Variants in PCDHGB2 observed in about 807,000 individuals in gnomAD.
The protein encoded by PCDHGB2 is protocadherin gamma-B2.
In PCDHGB2, 55 loss-of-function variants were observed where a neutral mutation model predicts 59.3. The observed-to-expected ratio is 0.93, with a 90% CI of 0.75 to 1.16. PCDHGB2 has a LOEUF of 1.16. PCDHGB2 is among the 50% of genes most tolerant of loss of function. The pLI, the probability that PCDHGB2 is intolerant of heterozygous loss-of-function variation, is 0.00. For missense variants in PCDHGB2, 1,228 were observed against 1,198.5 expected (o/e 1.02, Z -0.36); for synonymous variants, 516 against 512.0 (o/e 1.01, Z -0.11).
intron 1 of PCDHGB2, chr5:141,403,746 C>G (rs773668506): frequency 1.2e-6 from 2 of 1,613,904 alleles, no homozygotes; most frequent in Non-Finnish European, 8.5e-7. Flanking sequence ...CTTACTGCAA[C>G]AGCCAGCGAC....
intron 3 of PCDHGB2, among the ~76,000 whole-genome samples, chr5:141,509,880 T>C (rs1475661741): frequency 6.6e-6 from 1 of 152,184 alleles, no homozygotes; most frequent in African/African-American, 2.4e-5. Flanking sequence ...CTGGTGGTGA[T>C]GGTGACTGAC....
chr5:141,393,683 G>T lies in PCDHGB2; in HGVS notation c.2421+31127G>T, dbSNP rs370409157. ...GGAAAATTAATGAAAAACAAACTCC[G>T]TTATTCCAGCTTAATGAAAATACTG... On this transcript the variant is annotated intron_variant, in intron 1 of 3. Transcript: ENST00000522605. The T allele has an allele frequency of 2.1e-5, 34 of 1,613,732 alleles. 1 individual carries two copies. The South Asian group carries it at 3.7e-4, about 18-fold the overall frequency.
At chr5:141,368,055 A>G (rs531662241) in intron 1 of PCDHGB2, among the ~76,000 whole-genome samples, 10 of 152,346 alleles carry the variant, frequency 6.6e-5, no homozygotes, top group Non-Finnish European at 1.0e-4. Flanking sequence ...TAATGAAAGA[A>G]CTACTATATT....
Position 141,365,897 on chromosome 5 carries a change from G to A in PCDHGB2, c.2421+3341G>A, listed in dbSNP as rs1278621705. The A allele has an allele frequency of 3.1e-6, 5 of 1,614,214 alleles. No individual in the cohort carries two copies. Among genetic ancestry groups the A allele is most frequent in the Admixed American group, 3.3e-5 (2 of 60,030 alleles). On this transcript the variant is annotated intron_variant, in intron 1 of 3. Transcript: ENST00000522605. ...GTATGCTCTGAGATCCTTCGACTAT[G>A]AGCAGTTGAGAGACCTACAGTTGTG...
Position 141,486,786 on chromosome 5 carries a change from G to A in PCDHGB2, c.2422-8021G>A, listed in dbSNP as rs1360545946. The A allele has an allele frequency of 1.9e-6, 3 of 1,614,090 alleles. No individual in the cohort carries two copies. The highest frequency in any genetic ancestry group is 2.2e-5 in the East Asian group (1 of 44,892). ...ACACTGCAGTTTGAGGTGCAGGCCC[G>A]GGATCGGGGCAACCCACCCCTTAGC... is the stretch of plus-strand genomic sequence containing the variant. On this transcript the variant is annotated intron_variant, in intron 1 of 3. Coordinates refer to ENST00000522605, the MANE Select transcript of PCDHGB2 (RefSeq NM_018923.3). This position sits in a 1 kb window ranked among gnomAD's most constrained non-coding sequence, Gnocchi z 5.0.
At chr5:141,464,218 T>C (rs1464478430) in intron 1 of PCDHGB2, among the ~76,000 whole-genome samples, 1 of 150,958 alleles carries the variant, frequency 6.6e-6, no homozygotes, top group Non-Finnish European at 1.5e-5. Flanking sequence ...TGAGCTGAGA[T>C]TGCGCCACTG....
At position 141,372,146 on chromosome 5, in the gene PCDHGB2, T is replaced by C. The variant is rs371379465; in HGVS notation, c.2421+9590T>C. The C allele has an allele frequency of 1.2e-4, 200 of 1,613,738 alleles. 1 individual carries two copies. In the South Asian group the frequency reaches 2.0e-3, roughly 16 times the overall value. ...ATATGGTGCCGCGCTCTGCAGAGCC[T>C]GGCTACCTGGTGACCAAGGTGGTGG... On this transcript the variant is annotated intron_variant, in intron 1 of 3. Coordinates refer to ENST00000522605, the MANE Select transcript of PCDHGB2 (RefSeq NM_018923.3).
rs1399077321 is a variant in PCDHGB2, at chr5:141,474,090, AAAC to A, written c.2422-20708_2422-20706del. Among the ~76,000 whole-genome samples the A allele has an allele frequency of 2.6e-5, 4 of 152,206 alleles. No individual in the cohort carries two copies. In the East Asian group the frequency reaches 5.8e-4, roughly 22 times the overall value. On this transcript the variant is annotated intron_variant, in intron 1 of 3. Coordinates refer to ENST00000522605, the MANE Select transcript of PCDHGB2 (RefSeq NM_018923.3). ...GCCTCAGAAACAAAAACCAAAAAAC[AAAC>A]AACAACAAAAACAACAACAACGAAA...
rs186484297 is a variant in PCDHGB2 at position 141,453,739 on chromosome 5, A to G, written c.2422-41068A>G. ...TAAAAATATTTGTTACTACAGCTTA[A>G]ATAACATAAGTCTCCTAAAAATAAT... On this transcript the variant is annotated intron_variant, in intron 1 of 3. Coordinates refer to ENST00000522605, the MANE Select transcript of PCDHGB2 (RefSeq NM_018923.3). Among the ~76,000 whole-genome samples, 2 of 152,370 alleles carry G rather than the reference A, an allele frequency of 1.3e-5. 1 individual carries two copies. Among genetic ancestry groups the G allele is most frequent in the Admixed American group, 1.3e-4 (2 of 15,300 alleles).
intron 1 of PCDHGB2, chr5:141,423,684 T>TA (rs1412198122): frequency 1.3e-6 from 2 of 1,524,644 alleles, no homozygotes; most frequent in Non-Finnish European, 1.8e-6. Context: ...CTCTGCCTCC[T>TA]AATTGTTGGT....
intron 1 of PCDHGB2, chr5:141,366,743 C>CGAGTT: frequency 6.2e-7 from 1 of 1,611,598 alleles, no homozygotes; most frequent in Non-Finnish European, 8.5e-7. Flanking sequence ...AGAAGAACGG[C>CGAGTT]GAGTTCAGGT....
chr5:141,367,537 A>AAAGTAAATAAAT (rs373624904), intron 1 of PCDHGB2: 1 of 147,434 alleles, frequency 6.8e-6, no homozygotes, highest in African/African-American at 2.5e-5. Flanking sequence ...ACTCCGTCTC[A>AAAGTAAATAAAT]AAATAAATAA....
chr5:141,409,270 T>A (rs761773360), intron 1 of PCDHGB2: 6 of 1,613,996 alleles, frequency 3.7e-6, no homozygotes, highest in Non-Finnish European at 4.2e-6. Flanking sequence ...CTGATCAGAT[T>A]TTGGAGAATT....
Position 141,362,561 on chromosome 5 carries a change from G to A in PCDHGB2, c.2421+5G>A, listed in dbSNP as rs1416019755. On this transcript the variant is annotated splice_donor_5th_base_variant and intron_variant, in intron 1 of 3. Coordinates refer to ENST00000522605, the MANE Select transcript of PCDHGB2 (RefSeq NM_018923.3). ...GCCTCAGATACTATTTTGAAGGTGA[G>A]CTTTAATTAATTTATTTTCACTTCT... 1.2e-6 allele frequency: 2 copies of A among 1,608,622 alleles called. No homozygotes were observed. Among genetic ancestry groups the A allele is most frequent in the Middle Eastern group, 1.7e-4 (1 of 6,026 alleles).
At chr5:141,393,525 A>G in intron 1 of PCDHGB2, 1 of 1,613,922 alleles carries the variant, frequency 6.2e-7, no homozygotes, top group Non-Finnish European at 8.5e-7. Context: ...TACAAATGAC[A>G]ATGCCCCGGT....
In PCDHGB2 at chr5:141,432,770, G is replaced by A. The variant is rs930442281; in HGVS notation, c.2422-62037G>A. The A allele has an allele frequency of 6.2e-7, 1 of 1,614,128 alleles. No individual in the cohort carries two copies. On this transcript the variant is annotated intron_variant, in intron 1 of 3. Coordinates refer to ENST00000522605, the MANE Select transcript of PCDHGB2 (RefSeq NM_018923.3). This position sits in a 1 kb window ranked among gnomAD's most constrained non-coding sequence, Gnocchi z 6.0. ...GGCCGTGGCCGACAGCATCCCCCAAGTCCTGGCGGACCTCGGCAGCCTCGA... is the reference window on the plus strand; with the variant it reads ...GGCCGTGGCCGACAGCATCCCCCAAATCCTGGCGGACCTCGGCAGCCTCGA...
In PCDHGB2 at chr5:141,485,539, G is replaced by T; in HGVS notation, c.2422-9268G>T. 6.2e-7 allele frequency: 1 copy of T among 1,614,104 alleles called. No individual in the cohort carries two copies. Among genetic ancestry groups the T allele is most frequent in the Non-Finnish European group, 8.5e-7 (1 of 1,179,998 alleles). On this transcript the variant is annotated intron_variant, in intron 1 of 3. Coordinates refer to ENST00000522605, the MANE Select transcript of PCDHGB2 (RefSeq NM_018923.3). This position sits in a 1 kb window ranked among gnomAD's most constrained non-coding sequence, Gnocchi z 5.7. ...TGGAAATGTACCGAGCAGAGGTAGA[G>T]ATCGTAGATGTGAATGATCACGCCC...
chr5:141,457,868 G>T lies in PCDHGB2; in HGVS notation c.2422-36939G>T, dbSNP rs1479066479. ...AAAGTGACATTCTTCACTGACCACA[G>T]GTTAGGAACCCTGTGTGGGGACTGT... On this transcript the variant is annotated intron_variant, in intron 1 of 3. Transcript: ENST00000522605. Among the ~76,000 whole-genome samples the T allele has an allele frequency of 2.0e-5, 3 of 152,346 alleles. No individual in the cohort carries two copies. In the East Asian group the frequency reaches 5.8e-4, roughly 29 times the overall value.
In PCDHGB2 at chr5:141,511,318, A is replaced by C; in HGVS notation, c.*145A>C. 2 of 1,476,400 alleles carry C rather than the reference A, an allele frequency of 1.4e-6. No homozygotes were observed. Among genetic ancestry groups the C allele is most frequent in the South Asian group, 2.7e-5 (2 of 72,796 alleles). 91.5% of individuals were successfully genotyped at this position (1,476,400 alleles called of 1,614,324 possible). On this transcript the variant is annotated 3_prime_UTR_variant, in exon 4 of 4. Transcript: ENST00000522605. The stretch of plus-strand genomic sequence containing the variant: ...GCCATGCTCCCCTTGGGAAACAGAA[A>C]CAAGTGCCCAGTCAGCACCTACCCC...
Sources: allele counts gnomAD v4.1 joint callset (sites outside exome capture counted in the v4.1 genomes callset), GRCh38; gene constraint gnomAD v4.1.1; non-coding constraint Gnocchi (gnomAD v3.1); transcripts MANE v1.5; gene names NCBI Gene and HGNC (gene_info 2026-07-23, HGNC 2026-07-21).